ST6GALNAC6: variants seen among roughly 807,000 people sequenced by gnomAD.
ST6GALNAC6 encodes the protein alpha-N-acetylgalactosaminide alpha-2,6-sialyltransferase 6.
A neutral mutation model predicts 34.3 loss-of-function variants in ST6GALNAC6; 19 were observed. The observed-to-expected ratio is 0.55, with a 90% CI of 0.39 to 0.81. The LOEUF is 0.81. Among genes scored for constraint, ST6GALNAC6 ranks in the 40% least tolerant of loss-of-function variants. ST6GALNAC6 has a pLI of 0.00. For synonymous variants in ST6GALNAC6, 185 were observed against 182.1 expected, an observed-to-expected ratio of 1.02 and a Z score of -0.13; for missense variants, 377 against 467.7, an observed-to-expected ratio of 0.81 and a Z score of 1.79.
chr9:127,889,128 C>A (rs983252478), intron 5 of ST6GALNAC6, among the ~76,000 whole-genome samples: 2 of 152,020 alleles, frequency 1.3e-5, no homozygotes, highest in African/African-American at 2.4e-5. Context: ...GCAGGTGGAT[C>A]GCCTGAGGTC....
intron 3 of ST6GALNAC6, 34 bp from the exon 4 acceptor site, chr9:127,894,725 G>A: frequency 6.5e-7 from 1 of 1,528,246 alleles, no homozygotes; most frequent in Non-Finnish European, 8.7e-7. Context: ...GGGCCCAGCT[G>A]CCGGGCAGGC....
At position 127,886,546 on chromosome 9, in the gene ST6GALNAC6, G is replaced by A; in HGVS notation, c.*53C>T. 1 of 1,603,246 alleles carries A rather than the reference G, an allele frequency of 6.2e-7. No homozygotes were observed. On this transcript the variant is annotated 3_prime_UTR_variant, in exon 7 of 7. Transcript: ENST00000373146. ...GAAGATGGTCCCTGGCCTAGCGGCT[G>A]GGCGGAGGCTGCTTCTCCTCTGACC... is the stretch of plus-strand genomic sequence containing the variant.
chr9:127,891,350 T>C (rs923968737), intron 4 of ST6GALNAC6, among the ~76,000 whole-genome samples: 1 of 152,140 alleles, frequency 6.6e-6, no homozygotes, highest in Admixed American at 6.6e-5. Context: ...GCATTGTAGC[T>C]CATGCCTGTA....
chr9:127,900,094 G>A (rs1365338084), upstream of ST6GALNAC6, among the ~76,000 whole-genome samples: 1 of 152,232 alleles, frequency 6.6e-6, no homozygotes, highest in Non-Finnish European at 1.5e-5. Flanking sequence ...AAAATAGGGA[G>A]AAGAATAACT....
Position 127,886,591 on chromosome 9 carries a change from T to G in ST6GALNAC6, c.*8A>C, listed in dbSNP as rs148485455. On this transcript the variant is annotated 3_prime_UTR_variant, in exon 7 of 7. Transcript: ENST00000373146. ...CTGACCCTCCTGAGGTCCCACAGGC[T>G]GGGTGGCCTAGGTCCAGGAGGGGTG... is the stretch of plus-strand genomic sequence containing the variant. 0.012 allele frequency: 19,016 copies of G among 1,613,604 alleles called. 164 individuals are homozygous for G. Among genetic ancestry groups the G allele is most frequent in the Non-Finnish European group, 0.015 (17,332 of 1,179,794 alleles).
Position 127,890,225 on chromosome 9 carries a change from T to C in ST6GALNAC6, c.704+412A>G, listed in dbSNP as rs1346303719. Among the ~76,000 whole-genome samples, 5 of 152,098 alleles carry C rather than the reference T, an allele frequency of 3.3e-5. No individual in the cohort carries two copies. Among genetic ancestry groups the C allele is most frequent in the Non-Finnish European group, 5.9e-5 (4 of 67,994 alleles). ...TCACAGCAGGGCATGCTGGGAGTGA[T>C]GCATCGCTGGAGCAGAGCATGCCAG... is the stretch of plus-strand genomic sequence containing the variant. On this transcript the variant is annotated intron_variant, in intron 5 of 6. Coordinates refer to ENST00000373146, the MANE Select transcript of ST6GALNAC6 (RefSeq NM_013443.5). The surrounding 1 kb of genome is among the most constrained non-coding windows in gnomAD (Gnocchi z 4.3).
upstream of ST6GALNAC6, among the ~76,000 whole-genome samples, chr9:127,899,916 A>C (rs1229013638): frequency 1.3e-5 from 2 of 152,138 alleles, no homozygotes; most frequent in Admixed American, 1.3e-4. Context: ...CTGTGCTTGC[A>C]CTCAGTGGAG....
upstream of ST6GALNAC6, among the ~76,000 whole-genome samples, chr9:127,900,099 A>G (rs988835284): frequency 3.3e-5 from 5 of 152,244 alleles, no homozygotes; most frequent in African/African-American, 1.2e-4. Context: ...AGGGAGAAGA[A>G]TAACTTCACA....
upstream of ST6GALNAC6, among the ~76,000 whole-genome samples, chr9:127,902,732 G>C (rs1830801284): frequency 6.6e-6 from 1 of 150,476 alleles, no homozygotes; most frequent in African/African-American, 2.4e-5. Flanking sequence ...GGGACTACAG[G>C]CGTGTGCTAC....
rs1364487695 is a variant in ST6GALNAC6, at chr9:127,899,592, C to T, written c.-119G>A. 1.3e-5 allele frequency: 13 copies of T among 981,616 alleles called. No homozygotes were observed. The highest frequency in any genetic ancestry group is 1.6e-5 in the Non-Finnish European group (13 of 828,544). The allele number at this position is 981,616 out of a possible 1,614,324, so 60.8% of individuals were successfully genotyped here. On this transcript the variant is annotated 5_prime_UTR_variant, in exon 1 of 7. Transcript: ENST00000373146. ...GCGCCGGGGTCCGCGCTCCTCAGGC[C>T]GCCCAGGCCTCGCCGCACCCGCGGC...
chr9:127,896,321 G>A lies in ST6GALNAC6; in HGVS notation c.38C>T (p.Thr13Ile), dbSNP rs1479469963. The change falls in exon 3 of 7, where the codon ACA becomes ATA. Residue 13 changes from threonine to isoleucine, a missense_variant. Transcript: ENST00000373146. ...CSRPPSQCEP[T>I]SLPPGPPAGR... The stretch of plus-strand genomic sequence containing the variant: ...TGCAGGTGGCCCTGGGGGCAGGGAT[G>A]TGGGTTCACACCTGCAAGCCACCAG... The A allele has an allele frequency of 1.4e-5, 22 of 1,612,530 alleles. No homozygotes were observed. Among genetic ancestry groups the A allele is most frequent in the Middle Eastern group, 1.6e-4 (1 of 6,070 alleles).
Position 127,886,596 on chromosome 9 carries a change from G to A in ST6GALNAC6, c.*3C>T. 14 of 1,613,738 alleles carry A rather than the reference G, an allele frequency of 8.7e-6. No individual in the cohort carries two copies. The highest frequency in any genetic ancestry group is 1.2e-5 in the Non-Finnish European group (14 of 1,179,850). On this transcript the variant is annotated 3_prime_UTR_variant, in exon 7 of 7. Coordinates refer to ENST00000373146, the MANE Select transcript of ST6GALNAC6 (RefSeq NM_013443.5). ...CCTCCTGAGGTCCCACAGGCTGGGTGGCCTAGGTCCAGGAGGGGTGGGAGA... is the reference window on the plus strand; with the variant it reads ...CCTCCTGAGGTCCCACAGGCTGGGTAGCCTAGGTCCAGGAGGGGTGGGAGA...
chr9:127,891,902 AGCAC>A (rs1431531359), intron 4 of ST6GALNAC6, among the ~76,000 whole-genome samples: 1 of 152,038 alleles, frequency 6.6e-6, no homozygotes, highest in East Asian at 1.9e-4. Flanking sequence ...CTGTAATCCC[AGCAC>A]TTTGGGAGGC....
At chr9:127,899,742 G>C (rs1476789562), upstream of ST6GALNAC6, 3 of 834,602 alleles carry the variant, frequency 3.6e-6, no homozygotes, top group East Asian at 2.5e-4. Context: ...AGGCGGACCC[G>C]GGTGCCGCCG....
At chr9:127,888,855 C>T (rs1564483702) in intron 5 of ST6GALNAC6, among the ~76,000 whole-genome samples, 1 of 151,524 alleles carries the variant, frequency 6.6e-6, no homozygotes, top group East Asian at 1.9e-4. Flanking sequence ...TGAATACTTT[C>T]TCCCTAAGAC....
At chr9:127,899,122 C>T (rs900845522) in intron 1 of ST6GALNAC6, 3 of 152,292 alleles carry the variant, frequency 2.0e-5, no homozygotes, top group African/African-American at 7.2e-5. Context: ...GCTCCTAAAT[C>T]CAAGACGATG....
intron 5 of ST6GALNAC6, among the ~76,000 whole-genome samples, chr9:127,889,576 C>T (rs545912141): frequency 7.3e-5 from 11 of 151,204 alleles, no homozygotes; most frequent in African/African-American, 1.9e-4. Flanking sequence ...CCCAAGTAGC[C>T]GGGATTATAG....
At chr9:127,892,193 A>T (rs1348673822) in intron 4 of ST6GALNAC6, among the ~76,000 whole-genome samples, 2 of 152,142 alleles carry the variant, frequency 1.3e-5, no homozygotes, top group Non-Finnish European at 2.9e-5. Context: ...AGTGAGAGGA[A>T]TCTAACATAA....
upstream of ST6GALNAC6, chr9:127,899,773 C>A: frequency 1.9e-6 from 1 of 519,898 alleles, no homozygotes; most frequent in Non-Finnish European, 2.5e-6. Context: ...GCCTCGGTCA[C>A]CCCACTGGGC....
Sources: gnomAD v4.1 joint callset for allele counts (sites outside exome capture counted in the v4.1 genomes callset) on GRCh38, gnomAD v4.1.1 for gene constraint, Gnocchi (gnomAD v3.1) non-coding constraint, MANE v1.5 for transcripts, NCBI Gene and HGNC (gene_info 2026-07-23, HGNC 2026-07-21) for gene names.